Variants in CLEC16A observed in about 807,000 individuals in gnomAD.
CLEC16A encodes the protein protein CLEC16A.
In CLEC16A, 51 loss-of-function variants were observed where a neutral mutation model predicts 109.5. The observed-to-expected ratio is 0.47, with a 90% CI of 0.37 to 0.59. The LOEUF (loss-of-function observed/expected upper bound fraction) is 0.59, where lower values mean the gene tolerates loss of function less well. Ranked by LOEUF, CLEC16A falls within the 20% of genes least tolerant of loss-of-function variation. The pLI, the probability that CLEC16A is intolerant of heterozygous loss-of-function variation, is 0.00. For missense variants in CLEC16A, 1,339 were observed against 1,394.0 expected (o/e 0.96, Z 0.63); for synonymous variants, 673 against 564.2 (o/e 1.19, Z -2.73).
At chr16:11,036,571 CAA>C (rs1378261854) in intron 13 of CLEC16A, among the ~76,000 whole-genome samples, 1 of 124,726 alleles carries the variant, frequency 8.0e-6, no homozygotes, top group Non-Finnish European at 1.6e-5. Flanking sequence ...TTTTTTGAGA[CAA>C]GAGTCTCGCT....
chr16:11,150,367 G>A (rs1160450026), intron 22 of CLEC16A: 1 of 152,220 alleles, frequency 6.6e-6, no homozygotes, highest in Non-Finnish European at 1.5e-5. Flanking sequence ...AGGAATCTGT[G>A]TTAGCACTTA....
chr16:11,068,564 A>G (rs1451940679), intron 19 of CLEC16A, among the ~76,000 whole-genome samples: 1 of 152,174 alleles, frequency 6.6e-6, no homozygotes, highest in African/African-American at 2.4e-5. Context: ...CACAAACACA[A>G]GATGTGAGCT....
chr16:11,021,734 C>A (rs2152805109), intron 12 of CLEC16A, among the ~76,000 whole-genome samples: 1 of 152,292 alleles, frequency 6.6e-6, no homozygotes, highest in East Asian at 1.9e-4. Flanking sequence ...GAGGTCAAGG[C>A]TGCAATGCAC....
intron 22 of CLEC16A, among the ~76,000 whole-genome samples, chr16:11,128,529 C>A (rs949468891): frequency 1.3e-5 from 2 of 152,222 alleles, no homozygotes; most frequent in Non-Finnish European, 2.9e-5. Flanking sequence ...CCCTGACTGC[C>A]CCTGGAAGTG....
At chr16:11,006,967 C>G (rs2045060625) in intron 11 of CLEC16A, among the ~76,000 whole-genome samples, 1 of 152,134 alleles carries the variant, frequency 6.6e-6, no homozygotes, top group Non-Finnish European at 1.5e-5. Flanking sequence ...TCCCTGTAGG[C>G]AAAGAAGCAT....
intron 22 of CLEC16A, among the ~76,000 whole-genome samples, chr16:11,137,863 G>C (rs1221409133): frequency 6.6e-6 from 1 of 152,142 alleles, no homozygotes; most frequent in African/African-American, 2.4e-5. Flanking sequence ...TTGGTGGGAA[G>C]GAGAGTTAGT....
At chr16:10,971,802 A>G (rs758255078) in intron 5 of CLEC16A, among the ~76,000 whole-genome samples, 1 of 152,216 alleles carries the variant, frequency 6.6e-6, no homozygotes, top group East Asian at 1.9e-4. Context: ...CCTGGCCACA[A>G]GTTTCCTGAA....
At chr16:11,028,991 C>A (rs531069434) in intron 13 of CLEC16A, among the ~76,000 whole-genome samples, 1 of 152,214 alleles carries the variant, frequency 6.6e-6, no homozygotes, top group East Asian at 1.9e-4. Flanking sequence ...TTTTGGATTC[C>A]TTCCCCCATT....
intron 22 of CLEC16A, among the ~76,000 whole-genome samples, chr16:11,130,778 AAAC>A (rs2053152828): frequency 1.3e-5 from 2 of 152,222 alleles, no homozygotes; most frequent in Admixed American, 1.3e-4. Flanking sequence ...ACAAGGAAGA[AAAC>A]AACTCTGGCT....
chr16:11,039,239 C>CT (rs1171182035), intron 13 of CLEC16A, among the ~76,000 whole-genome samples: 1 of 152,118 alleles, frequency 6.6e-6, no homozygotes, highest in Non-Finnish European at 1.5e-5. Context: ...GCCAACCTCC[C>CT]TTTTTAACAA....
At chr16:11,048,796 G>A (rs150054521) in intron 17 of CLEC16A, among the ~76,000 whole-genome samples, 6 of 152,150 alleles carry the variant, frequency 3.9e-5, no homozygotes, top group Non-Finnish European at 8.8e-5. Context: ...ATTCATTAGA[G>A]TGGAAGGGAT....
intron 18 of CLEC16A, among the ~76,000 whole-genome samples, chr16:11,052,656 G>T (rs759293363): frequency 1.3e-5 from 2 of 152,198 alleles, no homozygotes. Flanking sequence ...GATTCTGTTT[G>T]TGGGTGGCAG....
rs1567412566 is a variant in CLEC16A, at chr16:11,166,468, C to A, written c.2722C>A (p.Pro908Thr). ...SQSPPSASGS[P>T]SGSGSTSHCD... ...GTCGCCACCCTCCGCCAGCGGGAGCCCCAGCGGCAGCGGGAGCACCAGCCA... is the reference window on the plus strand; with the variant it reads ...GTCGCCACCCTCCGCCAGCGGGAGCACCAGCGGCAGCGGGAGCACCAGCCA... Residue 908 changes from proline to threonine, a missense_variant, in exon 23 of 24, where the codon CCC becomes ACC. Coordinates refer to ENST00000409790, the MANE Select transcript of CLEC16A (RefSeq NM_015226.3). The A allele has an allele frequency of 6.2e-7, 1 of 1,608,616 alleles. No homozygotes were observed. Among genetic ancestry groups the A allele is most frequent in the East Asian group, 2.2e-5 (1 of 44,862 alleles).
chr16:11,106,212 A>T (rs756076019), intron 19 of CLEC16A, among the ~76,000 whole-genome samples: 17 of 152,228 alleles, frequency 1.1e-4, no homozygotes, highest in Admixed American at 6.5e-5. Context: ...CCTTCCAAGC[A>T]TACAACCAAG....
intron 22 of CLEC16A, among the ~76,000 whole-genome samples, chr16:11,131,080 C>G (rs11866058): frequency 0.014 from 2,102 of 152,070 alleles, 32 homozygotes; most frequent in African/African-American, 0.047. Context: ...GTTGATGGCT[C>G]TCACCCTCAC....
rs758110635 is a variant in CLEC16A, at chr16:11,044,061, C to T, written c.1804C>T (p.His602Tyr). The T allele has an allele frequency of 1.9e-6, 3 of 1,608,654 alleles. No individual in the cohort carries two copies. The highest frequency in any genetic ancestry group is 1.3e-5 in the African/African-American group (1 of 74,806). Residue 602 changes from histidine to tyrosine, a missense_variant, in exon 16 of 24, where the codon CAT becomes TAT. Physicochemically the swap from His to Tyr is moderately conservative, Grantham distance 83. Coordinates refer to ENST00000409790, the MANE Select transcript of CLEC16A (RefSeq NM_015226.3). ...AREESVHLVR[H>Y]FYKGEDIFLD... Reference sequence around the variant, plus strand: ...AGAAGAAAGTGTTCACCTTGTACGACATTTTTATAAGGTAATTGGCAGAGC... The same window carrying T: ...AGAAGAAAGTGTTCACCTTGTACGATATTTTTATAAGGTAATTGGCAGAGC...
intron 22 of CLEC16A, among the ~76,000 whole-genome samples, chr16:11,134,078 C>T (rs2053411497): frequency 6.6e-6 from 1 of 152,114 alleles, no homozygotes; most frequent in South Asian, 2.1e-4. Flanking sequence ...AAGTGGCCTA[C>T]CCAAGGTCAC....
At chr16:11,109,342 C>G (rs1441297645) in intron 19 of CLEC16A, among the ~76,000 whole-genome samples, 1 of 151,950 alleles carries the variant, frequency 6.6e-6, no homozygotes, top group African/African-American at 2.4e-5. Context: ...TTTGTAAAGA[C>G]GAGGTCTTGC....
chr16:11,073,713 C>T (rs1023103767), intron 19 of CLEC16A, among the ~76,000 whole-genome samples: 1 of 152,234 alleles, frequency 6.6e-6, no homozygotes. Context: ...AGCCTCCTTC[C>T]TCCTGCTCCA....
Sources: gnomAD v4.1 joint callset for allele counts (sites outside exome capture counted in the v4.1 genomes callset) on GRCh38, gnomAD v4.1.1 for gene constraint, MANE v1.5 for transcripts, NCBI Gene and HGNC (gene_info 2026-07-23, HGNC 2026-07-21) for gene names.